DSCAM: variants seen among roughly 807,000 people sequenced by gnomAD.
The protein encoded by DSCAM is DS cell adhesion molecule.
A neutral mutation model predicts 217.7 loss-of-function variants in DSCAM; 47 were observed. The ratio of observed to expected loss-of-function variants is 0.22; its 90% confidence interval spans 0.17 to 0.28. The LOEUF is 0.28. Ranked by LOEUF, DSCAM falls within the 10% of genes least tolerant of loss-of-function variation. The pLI is 1.00. For synonymous variants in DSCAM, 1,056 were observed against 1,015.3 expected, an observed-to-expected ratio of 1.04 and a Z score of -0.76; for missense variants, 2,080 against 2,618.3, an observed-to-expected ratio of 0.79 and a Z score of 4.49.
At position 40,101,506 on chromosome 21, in the gene DSCAM, A is replaced by G. The variant is rs549332593; in HGVS notation, c.3697-7632T>C. On this transcript the variant is annotated intron_variant, in intron 20 of 32. Transcript: ENST00000400454. The stretch of plus-strand genomic sequence containing the variant: ...CGTGGTAGGATGGGATGGTCTTGGG[A>G]TGAAACTGTTTCACCTCAGATCATC... Among the ~76,000 whole-genome samples, 6 of 151,676 alleles carry G rather than the reference A, an allele frequency of 4.0e-5. No individual in the cohort carries two copies. The South Asian group carries it at 1.3e-3, about 32-fold the overall frequency.
At chr21:40,457,394 C>T (rs1284294575) in intron 3 of DSCAM, among the ~76,000 whole-genome samples, 2 of 152,044 alleles carry the variant, frequency 1.3e-5, no homozygotes, top group African/African-American at 4.8e-5. Flanking sequence ...TGCCTGTGGT[C>T]CCAGCTACTC....
At position 40,276,684 on chromosome 21, in the gene DSCAM, G is replaced by C. The variant is rs186684196; in HGVS notation, c.2183-414C>G. The stretch of plus-strand genomic sequence containing the variant: ...TAAACAAGGAGTGCTCCAGGGACAT[G>C]GCATTTGAAGTCTTTGCTCACTGCA... On this transcript the variant is annotated intron_variant, in intron 10 of 32. Transcript: ENST00000400454. 3.4e-3 allele frequency among the ~76,000 whole-genome samples: 525 copies of C among 152,304 alleles called. 3 individuals are homozygous for C. The highest frequency in any genetic ancestry group is 0.012 in the African/African-American group (479 of 41,550).
At chr21:40,640,579 CG>C (rs2089865606) in intron 3 of DSCAM, among the ~76,000 whole-genome samples, 1 of 152,086 alleles carries the variant, frequency 6.6e-6, no homozygotes, top group Non-Finnish European at 1.5e-5. Context: ...AATGGATAAC[CG>C]ATGACTGATG....
chr21:40,308,120 A>C (rs1462674026), intron 9 of DSCAM, among the ~76,000 whole-genome samples: 1 of 152,222 alleles, frequency 6.6e-6, no homozygotes, highest in Non-Finnish European at 1.5e-5. Context: ...AACAACAACA[A>C]AAAAGAAAAG....
At chr21:40,220,235 C>T (rs2091278752) in intron 11 of DSCAM, among the ~76,000 whole-genome samples, 1 of 152,174 alleles carries the variant, frequency 6.6e-6, no homozygotes, top group South Asian at 2.1e-4. Flanking sequence ...GAGTCATTGT[C>T]TGTGTGTGGC....
rs1017223506 is a variant in DSCAM at position 40,318,157 on chromosome 21, G to A, written c.1784-5798C>T. Reference sequence around the variant, plus strand: ...CAATGAGAACACATGGACACAGCAAGGGGAACATCACATTCTGGGTACTGT... The same window carrying A: ...CAATGAGAACACATGGACACAGCAAAGGGAACATCACATTCTGGGTACTGT... On this transcript the variant is annotated intron_variant, in intron 8 of 32. Coordinates refer to ENST00000400454, the MANE Select transcript of DSCAM (RefSeq NM_001389.5). 8.4e-5 allele frequency among the ~76,000 whole-genome samples: 12 copies of A among 142,348 alleles called. 1 individual carries two copies. The highest frequency in any genetic ancestry group is 7.3e-4 in the Admixed American group (10 of 13,644). 93.4% of individuals were successfully genotyped at this position (142,348 alleles called of 152,430 possible). A position where few individuals can be genotyped will look rare whatever the true frequency, so the allele number is the denominator to read the frequency against.
chr21:40,087,045 A>G (rs1050236230), intron 22 of DSCAM, 125 bp downstream of exon 22: 9 of 709,248 alleles, frequency 1.3e-5, no homozygotes, highest in Non-Finnish European at 2.2e-5. Context: ...AAGAATTGGT[A>G]GGTTTCCTTG....
At chr21:40,348,854 G>A (rs1388768364) in intron 5 of DSCAM, among the ~76,000 whole-genome samples, 1 of 152,056 alleles carries the variant, frequency 6.6e-6, no homozygotes, top group African/African-American at 2.4e-5. Flanking sequence ...GACAATAAGA[G>A]ATACAGGCCA....
chr21:40,102,792 T>C lies in DSCAM; in HGVS notation c.3697-8918A>G, dbSNP rs746767205. 6.8e-4 allele frequency among the ~76,000 whole-genome samples: 103 copies of C among 152,192 alleles called. 1 individual carries two copies. The highest frequency in any genetic ancestry group is 2.4e-4 in the Non-Finnish European group (16 of 68,030). ...GCTTGTAGCTGCACTTGTAAGACCT[T>C]GCAGAGCCTTCTCTAGTCCTCTCAA... is the stretch of plus-strand genomic sequence containing the variant. On this transcript the variant is annotated intron_variant, in intron 20 of 32. Coordinates refer to ENST00000400454, the MANE Select transcript of DSCAM (RefSeq NM_001389.5).
chr21:40,378,542 C>G (rs1328980856), intron 3 of DSCAM, among the ~76,000 whole-genome samples: 1 of 133,712 alleles, frequency 7.5e-6, no homozygotes, highest in Non-Finnish European at 1.6e-5. Context: ...CATAATTTAA[C>G]AATGAAAACT....
At chr21:40,199,205 A>G (rs73904740) in intron 11 of DSCAM, among the ~76,000 whole-genome samples, 7,118 of 152,214 alleles carry the variant, frequency 0.047, 491 homozygotes, top group African/African-American at 0.15. Context: ...CACTCAATAC[A>G]TCACGATTAT....
Position 40,288,956 on chromosome 21 carries a change from G to T in DSCAM, c.2182+7099C>A, listed in dbSNP as rs545889238. 2.0e-5 allele frequency among the ~76,000 whole-genome samples: 3 copies of T among 152,236 alleles called. No homozygotes were observed. The East Asian group carries it at 5.8e-4, about 29-fold the overall frequency. On this transcript the variant is annotated intron_variant, in intron 10 of 32. Transcript: ENST00000400454. The stretch of plus-strand genomic sequence containing the variant: ...GAACTTATAGCCCAGTCTCCTAACT[G>T]ATGATTTCTACTCCTCCTCCTAGAT...
chr21:40,039,508 G>T (rs2088702837), intron 32 of DSCAM, among the ~76,000 whole-genome samples: 1 of 152,100 alleles, frequency 6.6e-6, no homozygotes, highest in Non-Finnish European at 1.5e-5. Context: ...CTACTAATGT[G>T]CCAGACACAG....
At chr21:40,822,522 T>C (rs984402290) in intron 1 of DSCAM, among the ~76,000 whole-genome samples, 2 of 152,044 alleles carry the variant, frequency 1.3e-5, no homozygotes, top group African/African-American at 4.8e-5. Context: ...TAAGAAACCA[T>C]ATTTATACTG....
At chr21:40,747,185 A>G (rs1422940023) in intron 1 of DSCAM, among the ~76,000 whole-genome samples, 1 of 151,740 alleles carries the variant, frequency 6.6e-6, no homozygotes, top group Non-Finnish European at 1.5e-5. Flanking sequence ...TGAACCCCAA[A>G]TTAGAAGGGG....
intron 8 of DSCAM, among the ~76,000 whole-genome samples, chr21:40,326,886 C>T (rs1460860631): frequency 6.7e-6 from 1 of 150,318 alleles, no homozygotes. Flanking sequence ...TCTGTAACCA[C>T]ATATATATGT....
chr21:40,559,498 T>A (rs746281384), intron 3 of DSCAM, among the ~76,000 whole-genome samples: 2 of 151,672 alleles, frequency 1.3e-5, no homozygotes, highest in Non-Finnish European at 2.9e-5. Context: ...GACAAATGAT[T>A]TTAAGCAGAA....
chr21:40,775,260 G>A (rs975206107), intron 1 of DSCAM, among the ~76,000 whole-genome samples: 2 of 152,098 alleles, frequency 1.3e-5, no homozygotes, highest in Non-Finnish European at 2.9e-5. Flanking sequence ...GGTTTAAGGC[G>A]AGGAATATGG....
chr21:40,030,433 C>A (rs116086994), intron 32 of DSCAM, among the ~76,000 whole-genome samples: 1 of 151,972 alleles, frequency 6.6e-6, no homozygotes, highest in Non-Finnish European at 1.5e-5. Context: ...AAGAATGGCC[C>A]GGAAAGGCCT....
Sources: allele counts gnomAD v4.1 joint callset (sites outside exome capture counted in the v4.1 genomes callset), GRCh38; gene constraint gnomAD v4.1.1; transcripts MANE v1.5; gene names NCBI Gene and HGNC (gene_info 2026-07-23, HGNC 2026-07-21).